The following ZC3H12B variants were observed in gnomAD, a reference collection of about 807,000 sequenced individuals.
The protein encoded by ZC3H12B is probable ribonuclease ZC3H12B.
ZC3H12B carries 7 observed loss-of-function variants against 43.9 expected under a neutral mutation model. The observed-to-expected ratio is 0.16, with a 90% confidence interval of 0.09 to 0.30. ZC3H12B has a LOEUF of 0.30. ZC3H12B is among the 10% of genes least tolerant of loss of function. The pLI is 1.00. For synonymous variants in ZC3H12B, 222 were observed against 241.7 expected (o/e 0.92, Z 0.76); for missense variants, 475 against 670.2 (o/e 0.71, Z 3.22).
At chrX:65,168,386 C>G in the ZC3H12B span, among the ~76,000 whole-genome samples, 1 of 111,573 alleles carries the variant, frequency 9.0e-6, no homozygotes, top group Admixed American at 9.6e-5. Context: ...GGGATGAAGC[C>G]CACTTGATCA....
At chrX:65,079,328 CTG>C in the ZC3H12B span, among the ~76,000 whole-genome samples, 1 of 112,644 alleles carries the variant, frequency 8.9e-6, no homozygotes. Context: ...CAGGCCTGGC[CTG>C]GCTTGCTTTG....
rs186340619 is a variant in ZC3H12B at position 65,393,613 on chromosome X, C to G, written n.296-4980C>G. Among the ~76,000 whole-genome samples, 313 of 112,013 alleles carry G rather than the reference C, an allele frequency of 2.8e-3. 2 individuals carry two copies. The highest frequency in any genetic ancestry group is 9.7e-3 in the African/African-American group (300 of 30,873). ...GAACATGAACTCATCCTTTTTATGGCTGCATAATATTTCATGGTGTATAAG... is the reference window on the plus strand; with the variant it reads ...GAACATGAACTCATCCTTTTTATGGGTGCATAATATTTCATGGTGTATAAG... On this transcript the variant is annotated intron_variant and non_coding_transcript_variant, in intron 2 of 5. Transcript: ENST00000617377.
At chrX:65,425,332 G>T (rs1318978663) in intron 3 of ZC3H12B, among the ~76,000 whole-genome samples, 2 of 111,402 alleles carry the variant, frequency 1.8e-5, no homozygotes, top group African/African-American at 6.5e-5. Context: ...CTGAAACTTT[G>T]CTGAAGTTTC....
At chrX:65,354,794 G>A in the ZC3H12B span, among the ~76,000 whole-genome samples, 18 of 111,860 alleles carry the variant, frequency 1.6e-4, no homozygotes, top group African/African-American at 5.9e-4. Context: ...GAAAAACACA[G>A]CACAAGAATT....
At chrX:65,199,784 T>C in the ZC3H12B span, among the ~76,000 whole-genome samples, 1 of 110,405 alleles carries the variant, frequency 9.1e-6, no homozygotes, top group African/African-American at 3.3e-5. Flanking sequence ...CTCATTTTTT[T>C]TTTTTTTTTG....
chrX:65,157,956 T>A, the ZC3H12B span, among the ~76,000 whole-genome samples: 1 of 84,355 alleles, frequency 1.2e-5, no homozygotes, highest in Non-Finnish European at 2.3e-5. Flanking sequence ...CAGAGTGTGA[T>A]GTTCCCCTTC....
upstream of ZC3H12B, among the ~76,000 whole-genome samples, chrX:65,485,510 C>A (rs2068114079): frequency 8.9e-6 from 1 of 112,698 alleles, no homozygotes; most frequent in Admixed American, 9.3e-5. Context: ...CCTGCCTTGG[C>A]CTCCCAAAGC....
chrX:65,119,410 G>A, the ZC3H12B span, among the ~76,000 whole-genome samples: 3 of 112,061 alleles, frequency 2.7e-5, no homozygotes, highest in African/African-American at 6.5e-5. Context: ...GTGATGATGA[G>A]CATTTTTTCA....
the ZC3H12B span, among the ~76,000 whole-genome samples, chrX:65,138,098 A>G: frequency 8.9e-6 from 1 of 112,539 alleles, no homozygotes; most frequent in Non-Finnish European, 1.9e-5. Context: ...CCAAAGTCCT[A>G]GGACTACTGG....
chrX:65,484,082 A>G (rs1290974032), upstream of ZC3H12B, among the ~76,000 whole-genome samples: 1 of 112,180 alleles, frequency 8.9e-6, no homozygotes, highest in Non-Finnish European at 1.9e-5. Context: ...TCTTTATAAT[A>G]TAATGATTTA....
At chrX:65,462,292 C>T (rs916602831) in intron 3 of ZC3H12B, among the ~76,000 whole-genome samples, 29 of 111,124 alleles carry the variant, frequency 2.6e-4, no homozygotes, top group African/African-American at 8.5e-4. Flanking sequence ...GGGTGGATCA[C>T]ATGAGGTCAG....
chrX:65,496,954 A>C (rs1368648284), intron 1 of ZC3H12B, among the ~76,000 whole-genome samples, 178 bp from the exon 7 acceptor site: 1 of 109,987 alleles, frequency 9.1e-6, no homozygotes, highest in Non-Finnish European at 1.9e-5. Flanking sequence ...AGACCAAAAA[A>C]AAAAAAAAAA....
At chrX:65,276,644 G>A in the ZC3H12B span, among the ~76,000 whole-genome samples, 1 of 111,505 alleles carries the variant, frequency 9.0e-6, no homozygotes, top group East Asian at 2.8e-4. Context: ...CCATAGACAA[G>A]CAAAAACTAA....
chrX:65,379,131 C>G (rs1441064443), intron 2 of ZC3H12B, among the ~76,000 whole-genome samples: 2 of 112,241 alleles, frequency 1.8e-5, no homozygotes, highest in Non-Finnish European at 3.8e-5. Context: ...CTGCCTGCCT[C>G]TGTAGGCTCC....
chrX:65,452,234 G>A (rs2067525227), intron 3 of ZC3H12B, among the ~76,000 whole-genome samples: 1 of 111,381 alleles, frequency 9.0e-6, no homozygotes, highest in South Asian at 3.8e-4. Context: ...TAAAGAGGAA[G>A]TCAAACGATC....
chrX:65,202,185 T>C, the ZC3H12B span, among the ~76,000 whole-genome samples: 1 of 91,222 alleles, frequency 1.1e-5, no homozygotes, highest in Non-Finnish European at 2.2e-5. Flanking sequence ...ATATGTAATA[T>C]ATATTATATA....
the ZC3H12B span, among the ~76,000 whole-genome samples, chrX:65,121,271 G>C: frequency 9.0e-6 from 1 of 111,121 alleles, no homozygotes; most frequent in Non-Finnish European, 1.9e-5. Flanking sequence ...CTGTGAATCC[G>C]TCTGGTCCTG....
chrX:65,404,463 C>T (rs753668000), intron 3 of ZC3H12B, among the ~76,000 whole-genome samples: 1 of 111,379 alleles, frequency 9.0e-6, no homozygotes. Flanking sequence ...TAGAAACACA[C>T]TTTACCTATA....
intron 3 of ZC3H12B, among the ~76,000 whole-genome samples, chrX:65,449,389 C>T (rs978506933): frequency 3.6e-5 from 4 of 111,141 alleles, no homozygotes; most frequent in African/African-American, 6.5e-5. Flanking sequence ...GAGGCCAAGG[C>T]GGGCGGATCA....
Sources: gnomAD v4.1 joint callset for allele counts (sites outside exome capture counted in the v4.1 genomes callset) on GRCh38, gnomAD v4.1.1 for gene constraint, MANE v1.5 for transcripts, NCBI Gene and HGNC (gene_info 2026-07-23, HGNC 2026-07-21) for gene names.